The following ADAM18 variants were observed in gnomAD, a reference collection of about 807,000 sequenced individuals.
The protein encoded by ADAM18 is disintegrin and metalloproteinase domain-containing protein 18.
ADAM18 carries 117 observed loss-of-function variants against 94.4 expected under a neutral mutation model. The ratio of observed to expected loss-of-function variants is 1.24; its 90% confidence interval spans 1.07 to 1.45. The LOEUF (loss-of-function observed/expected upper bound fraction) is 1.45. ADAM18 is among the 40% of genes most tolerant of loss of function. The pLI, the probability that ADAM18 is intolerant of heterozygous loss-of-function variation, is 0.00. For synonymous variants in ADAM18, 327 were observed against 291.6 expected (o/e 1.12, Z -1.24); for missense variants, 936 against 880.0 (o/e 1.06, Z -0.81).
intron 6 of ADAM18, among the ~76,000 whole-genome samples, chr8:39,622,397 T>C (rs1819641082): frequency 6.6e-6 from 1 of 151,256 alleles, no homozygotes; most frequent in Admixed American, 6.6e-5. Flanking sequence ...TAAAATGCAA[T>C]TTTGAAAAAA....
At position 39,701,440 on chromosome 8, in the gene ADAM18, CA is replaced by C. The variant is rs1184413215; in HGVS notation, c.1903-5349del. ...TTATTTCTTATATTTCACATTTAAA[CA>C]TTTTTCTTTTTTATTTTTTAATTAA... On this transcript the variant is annotated intron_variant, in intron 17 of 19. Transcript: ENST00000265707. Among the ~76,000 whole-genome samples the C allele has an allele frequency of 2.7e-3, 409 of 152,012 alleles. 2 individuals carry two copies. The highest frequency in any genetic ancestry group is 9.1e-3 in the African/African-American group (379 of 41,494).
intron 16 of ADAM18, among the ~76,000 whole-genome samples, chr8:39,681,258 T>C (rs1398591934): frequency 6.6e-6 from 1 of 152,162 alleles, no homozygotes; most frequent in African/African-American, 2.4e-5. Context: ...GGAAAGCAAT[T>C]GTGGGACAGT....
rs1327906868 is a variant in ADAM18 at position 39,637,582 on chromosome 8, T to C, written c.706T>C (p.Leu236=). The C allele has an allele frequency of 5.0e-6, 8 of 1,612,668 alleles. No homozygotes were observed. Among genetic ancestry groups the C allele is most frequent in the African/African-American group, 2.7e-5 (2 of 74,862 alleles). The change falls in exon 9 of 20, where the codon TTG becomes CTG. Residue 236 remains leucine (L), a synonymous_variant. Transcript: ENST00000265707. ...KLTVILSSLE[L]WSNENQISTS... Reference sequence around the variant, plus strand: ...GACTGTTATACTGTCTTCCTTGGAATTGTGGTCAAATGAAAACCAGATTTC... The same window carrying C: ...GACTGTTATACTGTCTTCCTTGGAACTGTGGTCAAATGAAAACCAGATTTC...
intron 11 of ADAM18, 71 bp from the exon 12 acceptor site, chr8:39,648,273 G>A: frequency 8.0e-7 from 1 of 1,252,952 alleles, no homozygotes; most frequent in Non-Finnish European, 1.1e-6. Flanking sequence ...ACATGATTAT[G>A]TATGGAGTGT....
intron 2 of ADAM18, among the ~76,000 whole-genome samples, chr8:39,602,360 T>C (rs1818932023): frequency 6.6e-6 from 1 of 152,186 alleles, no homozygotes; most frequent in East Asian, 1.9e-4. Context: ...TGCTTGTTCT[T>C]TTGATAGAAG....
At chr8:39,697,444 T>C (rs567017366) in intron 17 of ADAM18, among the ~76,000 whole-genome samples, 1 of 151,858 alleles carries the variant, frequency 6.6e-6, no homozygotes, top group Admixed American at 6.6e-5. Flanking sequence ...TTTCTCAAAA[T>C]ATTTTCCAAT....
chr8:39,586,802 A>ATCTATATC (rs1343211357), intron 2 of ADAM18, among the ~76,000 whole-genome samples: 82 of 131,030 alleles, frequency 6.3e-4, no homozygotes, highest in Admixed American at 2.6e-3. Flanking sequence ...CTATCTATCT[A>ATCTATATC]TATCTATCTA....
At position 39,609,475 on chromosome 8, in the gene ADAM18, T is replaced by C. The variant is rs199917835; in HGVS notation, c.268-10T>C. On this transcript the variant is annotated splice_polypyrimidine_tract_variant and intron_variant, in intron 4 of 19. Coordinates refer to ENST00000265707, the MANE Select transcript of ADAM18 (RefSeq NM_014237.3). ...AATTTATATACTTGCCTTTCTATACTGTTTTTCAGATGCATTGCCATTACC... is the reference window on the plus strand; with the variant it reads ...AATTTATATACTTGCCTTTCTATACCGTTTTTCAGATGCATTGCCATTACC... The C allele has an allele frequency of 2.0e-4, 320 of 1,605,230 alleles. 2 individuals are homozygous for C. In the East Asian group the frequency reaches 7.2e-3, roughly 36 times the overall value.
intron 2 of ADAM18, chr8:39,605,604 A>G (rs1472026375): frequency 6.2e-6 from 1 of 160,718 alleles, no homozygotes; most frequent in Non-Finnish European, 1.4e-5. Context: ...ATCTTGACTA[A>G]AAATGCAAGT....
chr8:39,600,073 C>G (rs1452198788), intron 2 of ADAM18, among the ~76,000 whole-genome samples: 1 of 152,006 alleles, frequency 6.6e-6, no homozygotes, highest in Middle Eastern at 3.2e-3. Flanking sequence ...TGTTCAATGC[C>G]TTTTAATAAT....
At chr8:39,606,519 G>A (rs1819090903) in intron 3 of ADAM18, among the ~76,000 whole-genome samples, 157 bp downstream of exon 3, 1 of 152,058 alleles carries the variant, frequency 6.6e-6, no homozygotes, top group African/African-American at 2.4e-5. Context: ...ATTAGGTTTT[G>A]AATATCAGAT....
chr8:39,616,905 A>T lies in ADAM18; in HGVS notation c.522+6199A>T, dbSNP rs1295529530. Among the ~76,000 whole-genome samples, 4 of 152,224 alleles carry T rather than the reference A, an allele frequency of 2.6e-5. No homozygotes were observed. The East Asian group carries it at 7.7e-4, about 29-fold the overall frequency. On this transcript the variant is annotated intron_variant, in intron 6 of 19. Transcript: ENST00000265707. ...AGACTTAAAAGTAAAAGCTAAAACT[A>T]TAAAAACTCCAAAATAAAACCTAAG... is the stretch of plus-strand genomic sequence containing the variant.
At chr8:39,642,657 G>A (rs1000869081) in intron 10 of ADAM18, among the ~76,000 whole-genome samples, 1 of 151,970 alleles carries the variant, frequency 6.6e-6, no homozygotes, top group African/African-American at 2.4e-5. Flanking sequence ...GGTTACTGTA[G>A]CCCTATAGTA....
Position 39,677,495 on chromosome 8 carries a change from CTG to C in ADAM18, c.1593_1594del (p.Cys531TrpfsTer3), listed in dbSNP as rs1437989548. The C allele has an allele frequency of 6.2e-7, 1 of 1,610,890 alleles. No individual in the cohort carries two copies. The highest frequency in any genetic ancestry group is 1.7e-4 in the Middle Eastern group (1 of 6,036). ...VNSLHERSENCGFKNSQPLPC... is the reference protein window; with the variant it reads ...VNSLHERSENXGFKNSQPLPC... ...ATTCTCTGCATGAAAGATCTGAAAA[CTG>C]TGGTTTTAAAAATTCACAACCATTA... On this transcript the variant is annotated frameshift_variant, in exon 15 of 20. Transcript: ENST00000265707. LOFTEE classifies it high-confidence loss of function.
chr8:39,600,453 G>A (rs779469366), intron 2 of ADAM18, among the ~76,000 whole-genome samples: 53 of 151,948 alleles, frequency 3.5e-4, no homozygotes, highest in Non-Finnish European at 1.5e-4. Context: ...CATAAAATAA[G>A]GTATATCTTA....
At chr8:39,649,904 C>T (rs117504816) in intron 12 of ADAM18, among the ~76,000 whole-genome samples, 2,105 of 152,288 alleles carry the variant, frequency 0.014, 25 homozygotes, top group Non-Finnish European at 0.022. Flanking sequence ...TGCCGCCCGC[C>T]TCTTCTTGTA....
At chr8:39,666,752 C>A (rs1440709157) in intron 13 of ADAM18, among the ~76,000 whole-genome samples, 4 of 152,168 alleles carry the variant, frequency 2.6e-5, no homozygotes, top group African/African-American at 9.7e-5. Context: ...ACAGGAAAGA[C>A]CTGCCCCCTG....
At chr8:39,702,496 C>A (rs1475300265) in intron 17 of ADAM18, among the ~76,000 whole-genome samples, 3 of 151,976 alleles carry the variant, frequency 2.0e-5, no homozygotes, top group Admixed American at 1.3e-4. Context: ...GATAATATCC[C>A]ATTTGTCAAT....
At position 39,648,026 on chromosome 8, in the gene ADAM18, G is replaced by A. The variant is rs186957090; in HGVS notation, c.1047-318G>A. 2.4e-3 allele frequency among the ~76,000 whole-genome samples: 358 copies of A among 152,190 alleles called. 1 individual carries two copies. The highest frequency in any genetic ancestry group is 8.3e-3 in the African/African-American group (343 of 41,522). On this transcript the variant is annotated intron_variant, in intron 11 of 19. Transcript: ENST00000265707. Reference sequence around the variant, plus strand: ...GGAAGAAAGCTTGAACTATATAACAGAAGAGCACACTATGCAGAGGGAACA... The same window carrying A: ...GGAAGAAAGCTTGAACTATATAACAAAAGAGCACACTATGCAGAGGGAACA...
Sources: allele counts gnomAD v4.1 joint callset (sites outside exome capture counted in the v4.1 genomes callset), GRCh38; gene constraint gnomAD v4.1.1; transcripts MANE v1.5; gene names NCBI Gene and HGNC (gene_info 2026-07-23, HGNC 2026-07-21).